Variants in RNF121 observed in about 807,000 individuals in gnomAD.
The protein encoded by RNF121 is ring finger protein 121.
Under a neutral mutation model 46.5 loss-of-function variants are expected in RNF121, and 21 were observed. That is an observed-to-expected ratio of 0.45 (90% CI 0.32 to 0.65). The LOEUF (loss-of-function observed/expected upper bound fraction) is 0.65, where lower values mean the gene tolerates loss of function less well. RNF121 is among the 30% of genes least tolerant of loss of function. The probability of loss-of-function intolerance (pLI) is 0.04; values close to 1 mark genes in which losing one functional copy is unlikely to be tolerated. For missense variants in RNF121, 346 were observed against 416.0 expected, an observed-to-expected ratio of 0.83 and a Z score of 1.46; for synonymous variants, 139 against 144.7, an observed-to-expected ratio of 0.96 and a Z score of 0.28.
At position 71,985,007 on chromosome 11, in the gene RNF121, ATCC is replaced by A. The variant is rs1954745477; in HGVS notation, c.399-1992_399-1990del. Among the ~76,000 whole-genome samples the A allele has an allele frequency of 4.6e-5, 7 of 152,208 alleles. No individual in the cohort carries two copies. The East Asian group carries it at 1.4e-3, about 29-fold the overall frequency. ...CATGATCACAACTCACTGCAGCCTC[ATCC>A]TCCTAGGCTCAACCAATTTTCCCAT... On this transcript the variant is annotated intron_variant, in intron 4 of 8. Coordinates refer to ENST00000361756, the MANE Select transcript of RNF121 (RefSeq NM_018320.5).
intron 1 of RNF121, among the ~76,000 whole-genome samples, chr11:71,949,710 C>T (rs1369855539): frequency 1.3e-5 from 2 of 151,596 alleles, no homozygotes; most frequent in African/African-American, 4.8e-5. Context: ...AAAACACATG[C>T]ACACGGCCGG....
At chr11:71,990,140 C>G (rs1000773998) in intron 5 of RNF121, among the ~76,000 whole-genome samples, 6 of 152,244 alleles carry the variant, frequency 3.9e-5, no homozygotes, top group African/African-American at 1.4e-4. Context: ...CACCCAGATT[C>G]TGGCATGCCC....
intron 4 of RNF121, among the ~76,000 whole-genome samples, chr11:71,986,329 G>A (rs1489366166): frequency 6.6e-6 from 1 of 152,154 alleles, no homozygotes; most frequent in Non-Finnish European, 1.5e-5. Flanking sequence ...AGCCTTCCCT[G>A]CCTGTTAATC....
chr11:71,982,755 T>C lies in RNF121; in HGVS notation c.244-6T>C. ...CAGAGCTGAAGTGCTTGTGTTTGTG[T>C]TTCAGATGGTGACCCTCTTTCAGAT... On this transcript the variant is annotated splice_polypyrimidine_tract_variant and splice_region_variant and intron_variant, in intron 3 of 8. Transcript: ENST00000361756. 6.2e-7 allele frequency: 1 copy of C among 1,606,118 alleles called. No homozygotes were observed. The highest frequency in any genetic ancestry group is 8.5e-7 in the Non-Finnish European group (1 of 1,176,362).
Position 71,956,902 on chromosome 11 carries a change from T to C in RNF121, c.64-325T>C, listed in dbSNP as rs549535175. Among the ~76,000 whole-genome samples, 6 of 152,372 alleles carry C rather than the reference T, an allele frequency of 3.9e-5. No individual in the cohort carries two copies. The East Asian group carries it at 1.2e-3, about 29-fold the overall frequency. On this transcript the variant is annotated intron_variant, in intron 1 of 8. Transcript: ENST00000361756. ...ACCTCTTTGTTCTATAGCTAGTCTTTATTATATAATAGATAAATTTTCTGT... is the reference window on the plus strand; with the variant it reads ...ACCTCTTTGTTCTATAGCTAGTCTTCATTATATAATAGATAAATTTTCTGT...
chr11:71,935,814 G>T, intron 1 of RNF121, among the ~76,000 whole-genome samples: 1 of 150,302 alleles, frequency 6.7e-6, no homozygotes. Flanking sequence ...GTGAATGACT[G>T]AATGAATGAA....
rs188354641 is a variant in RNF121 at position 71,973,746 on chromosome 11, C to G, written c.244-9015C>G. Reference sequence around the variant, plus strand: ...AGGTTGCAGTGAGTCAAGATCCTGCCACTGCACTCTAGCCTGGGTGACAAG... The same window carrying G: ...AGGTTGCAGTGAGTCAAGATCCTGCGACTGCACTCTAGCCTGGGTGACAAG... On this transcript the variant is annotated intron_variant, in intron 3 of 8. Transcript: ENST00000361756. 4.6e-3 allele frequency among the ~76,000 whole-genome samples: 696 copies of G among 151,982 alleles called. 3 individuals carry two copies. Among genetic ancestry groups the G allele is most frequent in the African/African-American group, 0.016 (666 of 41,432 alleles).
In RNF121 at chr11:71,929,080, G is replaced by T. The variant is rs1953194326; in HGVS notation, c.19G>T (p.Val7Leu). The change falls in exon 1 of 9, where the codon GTG (valine) becomes TTG (leucine). Residue 7 changes from valine to leucine, a missense_variant. This residue lies in a region of RNF121 where 60 missense variants were observed against 32.2 expected (regional missense o/e 1.86). Transcript: ENST00000361756. Reference protein sequence around the residue: MAAVVEVEVGGGAAGER... With the variant: MAAVVELEVGGGAAGER... ...CGTGAAGATGGCGGCAGTGGTGGAG[G>T]TGGAGGTTGGAGGTGGTGCTGCTGG... is the stretch of plus-strand genomic sequence containing the variant. 6.4e-7 allele frequency: 1 copy of T among 1,551,534 alleles called. No individual in the cohort carries two copies. The highest frequency in any genetic ancestry group is 8.7e-7 in the Non-Finnish European group (1 of 1,147,054).
chr11:71,941,913 T>C (rs985505889), intron 1 of RNF121, among the ~76,000 whole-genome samples: 11 of 150,982 alleles, frequency 7.3e-5, no homozygotes, highest in Non-Finnish European at 1.5e-4. Flanking sequence ...TTGAATTTTA[T>C]TGAGCGTGTA....
Position 71,937,636 on chromosome 11 carries a change from T to C in RNF121, c.63+8512T>C, listed in dbSNP as rs148086169. Among the ~76,000 whole-genome samples, 709 of 152,340 alleles carry C rather than the reference T, an allele frequency of 4.7e-3. 4 individuals carry two copies. Among genetic ancestry groups the C allele is most frequent in the African/African-American group, 0.014 (564 of 41,574 alleles). On this transcript the variant is annotated intron_variant, in intron 1 of 8. Coordinates refer to ENST00000361756, the MANE Select transcript of RNF121 (RefSeq NM_018320.5). ...TTCTTTGAATGCCTCTATTGGAGTG[T>C]CCTTCAGATTGGATTAGATTCTTAT...
intron 3 of RNF121, among the ~76,000 whole-genome samples, chr11:71,975,074 C>G (rs1169565860): frequency 6.6e-6 from 1 of 152,168 alleles, no homozygotes; most frequent in Non-Finnish European, 1.5e-5. Flanking sequence ...AGTATCTCTT[C>G]ACATCTCTAC....
At chr11:71,930,132 CAG>C (rs956874831) in intron 1 of RNF121, among the ~76,000 whole-genome samples, 1 of 152,124 alleles carries the variant, frequency 6.6e-6, no homozygotes, top group African/African-American at 2.4e-5. Context: ...GAAGCAGAGA[CAG>C]AGGTGAAAAG....
chr11:71,965,509 G>A (rs1260611111), intron 3 of RNF121, among the ~76,000 whole-genome samples: 1 of 152,138 alleles, frequency 6.6e-6, no homozygotes, highest in East Asian at 1.9e-4. Context: ...GCCTCCCAAA[G>A]TGCTGGGATT....
chr11:71,988,799 G>A (rs116603454), intron 5 of RNF121, among the ~76,000 whole-genome samples: 1 of 152,056 alleles, frequency 6.6e-6, no homozygotes, highest in African/African-American at 2.4e-5. Flanking sequence ...TCCAGCTCAG[G>A]TGACAAAGGG....
At chr11:71,931,655 G>A (rs1953280876) in intron 1 of RNF121, among the ~76,000 whole-genome samples, 1 of 152,138 alleles carries the variant, frequency 6.6e-6, no homozygotes, top group African/African-American at 2.4e-5. Context: ...CATGCAAATA[G>A]CGTATTATAA....
At chr11:71,985,550 A>G (rs1035850348) in intron 4 of RNF121, among the ~76,000 whole-genome samples, 8 of 152,146 alleles carry the variant, frequency 5.3e-5, no homozygotes, top group Non-Finnish European at 1.0e-4. Flanking sequence ...GAAGGAAGAT[A>G]TTTGGGACCT....
chr11:71,943,349 G>A (rs963731671), intron 1 of RNF121, among the ~76,000 whole-genome samples: 1 of 152,192 alleles, frequency 6.6e-6, no homozygotes, highest in Admixed American at 6.5e-5. Context: ...TTGGAAATAC[G>A]AGCTTATAGC....
At chr11:71,958,396 T>C (rs1954044140) in intron 2 of RNF121, among the ~76,000 whole-genome samples, 1 of 152,212 alleles carries the variant, frequency 6.6e-6, no homozygotes, top group East Asian at 1.9e-4. Flanking sequence ...GAAGAGTCAA[T>C]ATGTCCTTTG....
At chr11:71,930,227 A>C (rs1377480274) in intron 1 of RNF121, among the ~76,000 whole-genome samples, 1 of 152,164 alleles carries the variant, frequency 6.6e-6, no homozygotes, top group African/African-American at 2.4e-5. Flanking sequence ...CATCACAGGA[A>C]TAGGAGGAAG....
Sources: allele counts gnomAD v4.1 joint callset (sites outside exome capture counted in the v4.1 genomes callset), GRCh38; gene constraint gnomAD v4.1.1; regional missense constraint gnomAD v4.1.1; transcripts MANE v1.5; gene names NCBI Gene and HGNC (gene_info 2026-07-23, HGNC 2026-07-21).